The following LCP1 variants were observed in gnomAD, a reference collection of about 807,000 sequenced individuals.
LCP1 encodes plastin-2.
A neutral mutation model predicts 72.0 loss-of-function variants in LCP1; 23 were observed. The ratio of observed to expected loss-of-function variants is 0.32; its 90% CI spans 0.23 to 0.45. The LOEUF (loss-of-function observed/expected upper bound fraction) is 0.45, where lower values mean the gene tolerates loss of function less well. Among genes scored for constraint, LCP1 ranks in the 20% least tolerant of loss-of-function variants. LCP1 has a pLI of 1.00. For missense variants in LCP1, 571 were observed against 748.3 expected (o/e 0.76, Z 2.76); for synonymous variants, 245 against 275.4 (o/e 0.89, Z 1.09).
chr13:46,159,464 C>T, intron 2 of LCP1, 135 bp downstream of exon 2: 1 of 679,610 alleles, frequency 1.5e-6, no homozygotes, highest in Non-Finnish European at 2.6e-6. Context: ...TAAGTTCTCC[C>T]AGCTCCTCTA....
At chr13:46,164,103 T>C (rs1173309881) in intron 1 of LCP1, among the ~76,000 whole-genome samples, 1 of 152,218 alleles carries the variant, frequency 6.6e-6, no homozygotes, top group African/African-American at 2.4e-5. Context: ...CATGGAACAA[T>C]GTCAAAGGTA....
chr13:46,163,364 G>A (rs2045856834), intron 1 of LCP1, among the ~76,000 whole-genome samples: 1 of 152,176 alleles, frequency 6.6e-6, no homozygotes. Flanking sequence ...TGAAACATGT[G>A]CTGTGTCCAC....
intron 14 of LCP1, among the ~76,000 whole-genome samples, chr13:46,133,255 G>C (rs766843909): frequency 9.2e-5 from 14 of 152,154 alleles, no homozygotes; most frequent in Non-Finnish European, 2.1e-4. Flanking sequence ...TACTTTGAAA[G>C]AACAATGCCT....
rs117964428 is a variant in LCP1, at chr13:46,168,831, C to A, written c.-24-9145G>T. Among the ~76,000 whole-genome samples the A allele has an allele frequency of 9.8e-3, 1,487 of 152,314 alleles. 8 individuals carry two copies. Among genetic ancestry groups the A allele is most frequent in the Non-Finnish European group, 0.015 (1,028 of 68,030 alleles). On this transcript the variant is annotated intron_variant, in intron 1 of 15. Transcript: ENST00000323076. ...CTTGGGCTATTCTCAGAGGAAATAA[C>A]AGGAGCTGTTCAATTCATAAAGATT... is the stretch of plus-strand genomic sequence containing the variant.
rs1421111035 is a variant in LCP1 at position 46,157,073 on chromosome 13, G to A, written c.359-503C>T. Among the ~76,000 whole-genome samples the A allele has an allele frequency of 2.6e-5, 4 of 151,874 alleles. No individual in the cohort carries two copies. The East Asian group carries it at 5.8e-4, about 22-fold the overall frequency. On this transcript the variant is annotated intron_variant, in intron 4 of 15. Transcript: ENST00000323076. The stretch of plus-strand genomic sequence containing the variant: ...CTGACCTCGTGATCTGCCCACCTCA[G>A]CCTCCCAAAGTGCTGGGATTGCAGG...
At chr13:46,181,715 C>G (rs2045956669) in intron 1 of LCP1, among the ~76,000 whole-genome samples, 1 of 152,150 alleles carries the variant, frequency 6.6e-6, no homozygotes, top group Admixed American at 6.5e-5. Flanking sequence ...GGCCAATAAG[C>G]CATACAATCT....
At chr13:46,176,435 T>C (rs1012877319) in intron 1 of LCP1, among the ~76,000 whole-genome samples, 4 of 152,220 alleles carry the variant, frequency 2.6e-5, no homozygotes, top group Non-Finnish European at 4.4e-5. Flanking sequence ...TAAAAGGTTT[T>C]TATGGAAAAA....
rs138348092 is a variant in LCP1, at chr13:46,147,043, G to A, written c.1039C>T (p.Arg347Trp). 158 of 1,613,342 alleles carry A rather than the reference G, an allele frequency of 9.8e-5. No homozygotes were observed. The highest frequency in any genetic ancestry group is 2.0e-4 in the Admixed American group (12 of 59,852). ...ACATCTGTGGCTGTGACAAACTGCC[G>A]GCAGCCCAGCCTCTCCGCCTGCTGC... ...MLQQAERLGC[R>W]QFVTATDVVR... The change falls in exon 10 of 16, where the codon CGG becomes TGG. Residue 347 changes from arginine to tryptophan, a missense_variant. Transcript: ENST00000323076.
chr13:46,163,087 C>T (rs185621293), intron 1 of LCP1, among the ~76,000 whole-genome samples: 1 of 152,168 alleles, frequency 6.6e-6, no homozygotes, highest in Non-Finnish European at 1.5e-5. Flanking sequence ...GCCGCCCCTT[C>T]TGAGAAGTGA....
Position 46,144,538 on chromosome 13 carries a change from G to A in LCP1, c.1175-18C>T. 6.3e-7 allele frequency: 1 copy of A among 1,595,464 alleles called. No homozygotes were observed. The highest frequency in any genetic ancestry group is 1.1e-5 in the South Asian group (1 of 90,652). On this transcript the variant is annotated intron_variant, in intron 10 of 15. Transcript: ENST00000323076. The stretch of plus-strand genomic sequence containing the variant: ...CGTCTCACCTAGATGAATGAAGATG[G>A]GTTATCTTTTGGGACCGAAGAAAAC...
At chr13:46,171,794 A>T (rs1375815202) in intron 1 of LCP1, among the ~76,000 whole-genome samples, 1 of 152,270 alleles carries the variant, frequency 6.6e-6, no homozygotes, top group Non-Finnish European at 1.5e-5. Flanking sequence ...TGGACCTATG[A>T]ACAACACAGG....
Position 46,126,300 on chromosome 13 carries a change from T to C in LCP1, c.*1291A>G, listed in dbSNP as rs991905122. 6 of 229,306 alleles carry C rather than the reference T, an allele frequency of 2.6e-5. No individual in the cohort carries two copies. The highest frequency in any genetic ancestry group is 5.7e-5 in the Admixed American group (1 of 17,644). The allele number at this position is 229,306 out of a possible 1,614,324, so 14.2% of individuals were successfully genotyped here. On this transcript the variant is annotated 3_prime_UTR_variant, in exon 16 of 16. Coordinates refer to ENST00000323076, the MANE Select transcript of LCP1 (RefSeq NM_002298.5). The stretch of plus-strand genomic sequence containing the variant: ...ACAATGGCCTGTTGCTTTTTAGCCT[T>C]CAGTTGGTTTAGGGGGAAATTGCTC...
intron 5 of LCP1, among the ~76,000 whole-genome samples, chr13:46,155,924 G>C (rs1165462235): frequency 1.3e-5 from 2 of 152,164 alleles, no homozygotes; most frequent in African/African-American, 4.8e-5. Flanking sequence ...ACGCTCAGAT[G>C]AAGCCAAGCA....
chr13:46,133,935 G>C (rs2045648487), intron 14 of LCP1, among the ~76,000 whole-genome samples, 192 bp downstream of exon 14: 1 of 152,112 alleles, frequency 6.6e-6, no homozygotes, highest in Non-Finnish European at 1.5e-5. Context: ...TAACTTATGG[G>C]AGAAAGTATT....
intron 15 of LCP1, among the ~76,000 whole-genome samples, chr13:46,128,452 G>T (rs575623818): frequency 6.6e-6 from 1 of 152,190 alleles, no homozygotes; most frequent in Admixed American, 6.5e-5. Flanking sequence ...CAAAAAATTA[G>T]CCAGGCGTGG....
Position 46,147,071 on chromosome 13 carries a change from C to T in LCP1, c.1011G>A (p.Met337Ile). 6.2e-7 allele frequency: 1 copy of T among 1,609,802 alleles called. No homozygotes were observed. The highest frequency in any genetic ancestry group is 8.5e-7 in the Non-Finnish European group (1 of 1,178,094). The change falls in exon 10 of 16, where the codon ATG becomes ATA. Residue 337 changes from methionine (M) to isoleucine (I), a missense_variant. By Grantham distance (10) the Met-to-Ile change is conservative. Transcript: ENST00000323076. Reference protein sequence around the residue: ...EKDDIQRAECMLQQAERLGCR... With the variant: ...EKDDIQRAECILQQAERLGCR... ...AGCCCAGCCTCTCCGCCTGCTGCAG[C>T]ATGCATTCTGCCCTCTGGATGTCAT...
At chr13:46,159,716 T>A (rs1044440431) in intron 1 of LCP1, 30 bp from the exon 2 acceptor site, 2 of 1,351,318 alleles carry the variant, frequency 1.5e-6, no homozygotes, top group African/African-American at 2.9e-5. Context: ...AAGGGATAAC[T>A]TTTGTGCATT....
chr13:46,148,665 TA>T (rs2045745324), intron 8 of LCP1: 1 of 503,566 alleles, frequency 2.0e-6, no homozygotes, highest in Non-Finnish European at 3.3e-6. Context: ...AACAATAAAA[TA>T]GACAAGATAT....
chr13:46,130,555 T>C (rs2045627339), intron 15 of LCP1, among the ~76,000 whole-genome samples: 1 of 151,924 alleles, frequency 6.6e-6, no homozygotes, highest in Non-Finnish European at 1.5e-5. Context: ...TAGGCTTGCT[T>C]ATCAATTACA....
Sources: allele counts gnomAD v4.1 joint callset (sites outside exome capture counted in the v4.1 genomes callset), GRCh38; gene constraint gnomAD v4.1.1; transcripts MANE v1.5; gene names NCBI Gene and HGNC (gene_info 2026-07-23, HGNC 2026-07-21).